NHEJ1: variants seen among roughly 807,000 people sequenced by gnomAD.
NHEJ1 encodes non-homologous end joining factor 1.
In NHEJ1, 22 loss-of-function variants were observed where a neutral mutation model predicts 39.4. That is an observed-to-expected ratio of 0.56 (90% confidence interval 0.40 to 0.80). The LOEUF is 0.80. Among genes scored for constraint, NHEJ1 ranks in the 30% least tolerant of loss-of-function variants. The probability of loss-of-function intolerance (pLI) is 0.00; values close to 1 mark genes in which losing one functional copy is unlikely to be tolerated. For synonymous variants in NHEJ1, 154 were observed against 135.6 expected (o/e 1.14, Z -0.94); for missense variants, 329 against 357.1 (o/e 0.92, Z 0.63).
chr2:219,118,671 T>C (rs908606692), intron 5 of NHEJ1, among the ~76,000 whole-genome samples: 1 of 151,962 alleles, frequency 6.6e-6, no homozygotes, highest in East Asian at 1.9e-4. Context: ...GGGATATATA[T>C]AGAACCAGGA....
At chr2:219,080,657 A>G (rs1441232493) in intron 5 of NHEJ1, among the ~76,000 whole-genome samples, 2 of 106,326 alleles carry the variant, frequency 1.9e-5, no homozygotes, top group East Asian at 2.5e-4. Context: ...ATATGCTAAT[A>G]TATATAAGCT....
intron 5 of NHEJ1, among the ~76,000 whole-genome samples, chr2:219,115,771 A>G (rs1198528345): frequency 6.6e-6 from 1 of 152,036 alleles, no homozygotes; most frequent in Non-Finnish European, 1.5e-5. Context: ...CCAGCTCCCT[A>G]CTCGTTTGCA....
chr2:219,158,495 G>C (rs748637371), intron 1 of NHEJ1, 133 bp from the exon 2 acceptor site: 1 of 816,034 alleles, frequency 1.2e-6, no homozygotes, highest in Non-Finnish European at 2.0e-6. Flanking sequence ...ATGGATTTAC[G>C]TTCTCCCAGT....
intron 5 of NHEJ1, among the ~76,000 whole-genome samples, chr2:219,131,851 T>C (rs2030448): frequency 0.5 from 76,068 of 152,168 alleles, 21,277 homozygotes; most frequent in Non-Finnish European, 0.63. Flanking sequence ...AAGTTAGGTC[T>C]CTATACTGCT....
At chr2:219,122,729 A>C (rs1244199668) in intron 5 of NHEJ1, among the ~76,000 whole-genome samples, 1 of 152,172 alleles carries the variant, frequency 6.6e-6, no homozygotes, top group East Asian at 1.9e-4. Flanking sequence ...TGTTTTCTCC[A>C]AACTAAGGGC....
Position 219,159,939 on chromosome 2 carries a change from G to A in NHEJ1, c.-1+781C>T, listed in dbSNP as rs561535363. 4.6e-5 allele frequency among the ~76,000 whole-genome samples: 7 copies of A among 152,212 alleles called. No homozygotes were observed. In the South Asian group the frequency reaches 1.2e-3, roughly 27 times the overall value. ...TTTGTTTGTCTGTTGGGTAAAGGGG[G>A]AGGAGTTTAAAATGTGGCCAGGAGT... On this transcript the variant is annotated intron_variant, in intron 1 of 7. Coordinates refer to ENST00000356853, the MANE Select transcript of NHEJ1 (RefSeq NM_024782.3).
chr2:219,116,908 AG>A (rs944310328), intron 5 of NHEJ1, among the ~76,000 whole-genome samples: 12 of 152,070 alleles, frequency 7.9e-5, no homozygotes, highest in African/African-American at 2.9e-4. Flanking sequence ...AACTTGGAGG[AG>A]GGACAGGAAG....
At chr2:219,159,538 C>A (rs1362918591) in intron 1 of NHEJ1, among the ~76,000 whole-genome samples, 2 of 50,276 alleles carry the variant, frequency 4.0e-5, no homozygotes, top group African/African-American at 1.7e-4. Context: ...TATATATATG[C>A]ATATATATAT....
At position 219,076,421 on chromosome 2, in the gene NHEJ1, G is replaced by A. The variant is rs760280185; in HGVS notation, c.860C>T (p.Ser287Leu). The A allele has an allele frequency of 2.2e-5, 36 of 1,613,978 alleles. No homozygotes were observed. The African/African-American group carries it at 3.7e-4, about 17-fold the overall frequency. ...TSGPLQRPQL[S>L]KVKRKKPRGL... ...CCTTGGCTTCTTCCTCTTGACCTTT[G>A]ACAGCTGAGGTCTCTGCAGAGGGCC... The change falls in exon 8 of 8, where the codon TCA (serine) becomes TTA (leucine). Residue 287 changes from serine (S) to leucine (L), a missense_variant. By Grantham distance (145) the Ser-to-Leu change is moderately radical. Transcript: ENST00000356853.
Position 219,074,536 on chromosome 2 carries a change from G to A in NHEJ1, c.*1845C>T, listed in dbSNP as rs1210927951. ...AGGCAGGTAGATCACCTGAGGTCAG[G>A]AGTTCGAGACCAGCCTAGCCAACAT... is the stretch of plus-strand genomic sequence containing the variant. On this transcript the variant is annotated 3_prime_UTR_variant, in exon 8 of 8. Coordinates refer to ENST00000356853, the MANE Select transcript of NHEJ1 (RefSeq NM_024782.3). Among the ~76,000 whole-genome samples the A allele has an allele frequency of 6.6e-6, 1 of 152,128 alleles. No homozygotes were observed. Among genetic ancestry groups the A allele is most frequent in the Non-Finnish European group, 1.5e-5 (1 of 68,030 alleles).
intron 5 of NHEJ1, among the ~76,000 whole-genome samples, chr2:219,107,290 T>C (rs1470707647): frequency 6.6e-6 from 1 of 151,858 alleles, no homozygotes; most frequent in Non-Finnish European, 1.5e-5. Context: ...AGAGGAAAAA[T>C]AGAAATCGAT....
chr2:219,077,693 C>T (rs1949027262), intron 6 of NHEJ1, among the ~76,000 whole-genome samples: 1 of 151,730 alleles, frequency 6.6e-6, no homozygotes, highest in Non-Finnish European at 1.5e-5. Context: ...CTGTGTTGTC[C>T]AGGCTGGTCT....
intron 7 of NHEJ1, 114 bp downstream of exon 7, chr2:219,077,132 T>A: frequency 1.3e-6 from 1 of 799,270 alleles, no homozygotes; most frequent in Admixed American, 1.9e-5. Flanking sequence ...GTCACAAATA[T>A]CCCTCAATAT....
chr2:219,148,927 A>C (rs1004423642), intron 3 of NHEJ1, among the ~76,000 whole-genome samples: 1 of 151,128 alleles, frequency 6.6e-6, no homozygotes, highest in Non-Finnish European at 1.5e-5. Context: ...CATGTTGCCC[A>C]GGCTACAGTA....
chr2:219,136,645 C>G (rs1257931682), intron 5 of NHEJ1, among the ~76,000 whole-genome samples: 1 of 152,046 alleles, frequency 6.6e-6, no homozygotes, highest in Non-Finnish European at 1.5e-5. Context: ...CTCTGTTGCC[C>G]AGGCTGGAGT....
chr2:219,085,388 G>C (rs1378642), intron 5 of NHEJ1, among the ~76,000 whole-genome samples: 110,547 of 152,130 alleles, frequency 0.73, 40,629 homozygotes, highest in Non-Finnish European at 0.77. Context: ...TATCAGTTCA[G>C]TGATCAGAAA....
chr2:219,143,362 C>A (rs982427642), intron 5 of NHEJ1, among the ~76,000 whole-genome samples: 1 of 152,152 alleles, frequency 6.6e-6, no homozygotes, highest in East Asian at 1.9e-4. Context: ...AGCAGCTATA[C>A]AGGACATTCT....
chr2:219,099,041 T>C (rs1177977079), intron 5 of NHEJ1, among the ~76,000 whole-genome samples: 1 of 152,152 alleles, frequency 6.6e-6, no homozygotes, highest in African/African-American at 2.4e-5. Flanking sequence ...GTCAATGGGC[T>C]GGAGCTCTCT....
chr2:219,158,212 T>G lies in NHEJ1; in HGVS notation c.151A>C (p.Thr51Pro), dbSNP rs748560680. 2 of 1,614,200 alleles carry G rather than the reference T, an allele frequency of 1.2e-6. No homozygotes were observed. Among genetic ancestry groups the G allele is most frequent in the African/African-American group, 1.3e-5 (1 of 75,048 alleles). ...LQQVWHEQVD[T>P]SVVSQRAKEL... ...TTGGCTCGCTGGCTGACCACACTAG[T>G]GTCCACCTGTTCATGCCACACCTGT... Residue 51 changes from threonine (T) to proline (P), a missense_variant, in exon 2 of 8, where the codon ACT (threonine) becomes CCT (proline). Thr to Pro is a conservative substitution (Grantham distance 38, BLOSUM62 -1). Coordinates refer to ENST00000356853, the MANE Select transcript of NHEJ1 (RefSeq NM_024782.3).
Sources: gnomAD v4.1 joint callset for allele counts (sites outside exome capture counted in the v4.1 genomes callset) on GRCh38, gnomAD v4.1.1 for gene constraint, MANE v1.5 for transcripts, NCBI Gene and HGNC (gene_info 2026-07-23, HGNC 2026-07-21) for gene names.